The following ACER3 variants were observed in gnomAD, a reference collection of about 807,000 sequenced individuals.
ACER3 encodes alkCDase 3.
Under a neutral mutation model 48.9 loss-of-function variants are expected in ACER3, and 16 were observed. That is an observed-to-expected ratio of 0.33 (90% CI 0.22 to 0.50). The LOEUF (loss-of-function observed/expected upper bound fraction) is 0.50. ACER3 is among the 20% of genes least tolerant of loss of function. The probability of loss-of-function intolerance (pLI) is 0.98; values close to 1 mark genes in which losing one functional copy is unlikely to be tolerated. For synonymous variants in ACER3, 109 were observed against 107.8 expected (o/e 1.01, Z -0.07); for missense variants, 227 against 326.0 (o/e 0.70, Z 2.34).
intron 1 of ACER3, among the ~76,000 whole-genome samples, chr11:76,914,826 G>C (rs550242735): frequency 6.6e-6 from 1 of 152,300 alleles, no homozygotes; most frequent in African/African-American, 2.4e-5. Context: ...AATGGATTAA[G>C]AAAATGTGGC....
At chr11:76,868,354 A>G (rs1945148417) in intron 1 of ACER3, 1 of 1,139,506 alleles carries the variant, frequency 8.8e-7, no homozygotes, top group African/African-American at 1.6e-5. Flanking sequence ...AATTGAGTGT[A>G]CAAAAGAGTT....
chr11:76,895,651 G>C (rs927239088), intron 1 of ACER3, among the ~76,000 whole-genome samples: 2 of 152,120 alleles, frequency 1.3e-5, no homozygotes, highest in Non-Finnish European at 2.9e-5. Context: ...TTAGGTCACT[G>C]CTTCTTAAAT....
chr11:76,913,920 A>T (rs1244880704), intron 1 of ACER3, among the ~76,000 whole-genome samples: 1 of 152,226 alleles, frequency 6.6e-6, no homozygotes, highest in East Asian at 1.9e-4. Flanking sequence ...CTGATCTTTG[A>T]CAAACCTGAC....
rs150245284 is a variant in ACER3, at chr11:76,882,286, G to A, written c.103+21207G>A. Among the ~76,000 whole-genome samples the A allele has an allele frequency of 2.0e-3, 311 of 152,236 alleles. 2 individuals carry two copies. The highest frequency in any genetic ancestry group is 1.9e-3 in the Non-Finnish European group (132 of 68,002). ...GCCAAAGTGTTGGGATTACAGGCTT[G>A]AGCCATTGTGCCCGGCCCAAAATCT... On this transcript the variant is annotated intron_variant, in intron 1 of 10. Transcript: ENST00000532485.
At chr11:76,874,306 A>G (rs1039852957) in intron 1 of ACER3, among the ~76,000 whole-genome samples, 16 of 152,216 alleles carry the variant, frequency 1.1e-4, no homozygotes, top group African/African-American at 2.4e-5. Context: ...TATGAGATTT[A>G]AATGGCAGGA....
intron 1 of ACER3, chr11:76,868,391 CTGTGTGTGTGTGTGTGTGTG>C (rs1166994217): frequency 1.3e-4 from 22 of 174,986 alleles, no homozygotes; most frequent in African/African-American, 5.6e-4. Flanking sequence ...CTCTCTCTCT[CTGTGTGTGTGTGTGTGTGTG>C]TGTGTGTGTG....
chr11:76,871,825 A>G (rs1430578445), intron 1 of ACER3, among the ~76,000 whole-genome samples: 1 of 152,200 alleles, frequency 6.6e-6, no homozygotes, highest in African/African-American at 2.4e-5. Flanking sequence ...GTCAAAAAAT[A>G]TATTTTGGGT....
chr11:76,933,739 C>T (rs1947082729), intron 2 of ACER3, among the ~76,000 whole-genome samples: 2 of 151,882 alleles, frequency 1.3e-5, no homozygotes, highest in South Asian at 4.2e-4. Context: ...ACCTTTCCCC[C>T]TTTTCTATTC....
chr11:76,972,672 A>T (rs1426290670), intron 3 of ACER3, among the ~76,000 whole-genome samples: 1 of 152,166 alleles, frequency 6.6e-6, no homozygotes, highest in Non-Finnish European at 1.5e-5. Flanking sequence ...CTGTTTTCTG[A>T]CATCAGTTTC....
At chr11:76,898,781 G>A (rs1946001407) in intron 1 of ACER3, among the ~76,000 whole-genome samples, 1 of 150,254 alleles carries the variant, frequency 6.7e-6, no homozygotes, top group Admixed American at 6.6e-5. Flanking sequence ...GCGGGCGCCT[G>A]TAGTCCCAGC....
intron 1 of ACER3, among the ~76,000 whole-genome samples, chr11:76,900,311 A>T (rs1456454978): frequency 6.6e-6 from 1 of 152,192 alleles, no homozygotes; most frequent in Non-Finnish European, 1.5e-5. Flanking sequence ...GAGGCAGAAG[A>T]GGTGGAGAAG....
intron 2 of ACER3, 66 bp from the exon 3 acceptor site, chr11:76,958,913 C>T: frequency 1.3e-6 from 2 of 1,534,930 alleles, no homozygotes; most frequent in Non-Finnish European, 9.0e-7. Flanking sequence ...GTCTTATTGT[C>T]TTCTCAGGTC....
At chr11:76,973,151 G>A (rs1467058871) in intron 3 of ACER3, among the ~76,000 whole-genome samples, 1 of 152,178 alleles carries the variant, frequency 6.6e-6, no homozygotes, top group African/African-American at 2.4e-5. Context: ...CTTTCAAGCC[G>A]GGAAAGGCAG....
chr11:76,934,057 G>A (rs531776761), intron 2 of ACER3, among the ~76,000 whole-genome samples: 19 of 151,958 alleles, frequency 1.3e-4, no homozygotes, highest in African/African-American at 4.3e-4. Context: ...ATGGGCGGCC[G>A]GGCAGAGACG....
chr11:76,895,090 AAAGGAT>A (rs1228696558), intron 1 of ACER3, among the ~76,000 whole-genome samples: 2 of 152,130 alleles, frequency 1.3e-5, no homozygotes, highest in African/African-American at 4.8e-5. Context: ...TAATGTGGAG[AAAGGAT>A]TCAATTTAAT....
chr11:76,904,976 C>T (rs968421806), intron 1 of ACER3, among the ~76,000 whole-genome samples: 3 of 152,024 alleles, frequency 2.0e-5, no homozygotes, highest in Non-Finnish European at 4.4e-5. Flanking sequence ...CTCAGCCTGC[C>T]GGGTAGCTGG....
chr11:76,882,758 T>TTGTTTC (rs1945560658), intron 1 of ACER3, among the ~76,000 whole-genome samples: 1 of 152,218 alleles, frequency 6.6e-6, no homozygotes, highest in Non-Finnish European at 1.5e-5. Context: ...CTTATGAGTG[T>TTGTTTC]TGTTTCTGTT....
At chr11:76,879,877 G>A (rs2372386) in intron 1 of ACER3, among the ~76,000 whole-genome samples, 107,148 of 151,960 alleles carry the variant, frequency 0.71, 38,065 homozygotes, top group Non-Finnish European at 0.74. Flanking sequence ...TTTTTTTGAC[G>A]TTTGTTTTTT....
chr11:76,989,876 G>A (rs985532844), intron 5 of ACER3, among the ~76,000 whole-genome samples: 2 of 152,168 alleles, frequency 1.3e-5, no homozygotes, highest in Non-Finnish European at 1.5e-5. Flanking sequence ...TAGGCATTGA[G>A]CTTAATCATC....
Sources: gnomAD v4.1 joint callset for allele counts (sites outside exome capture counted in the v4.1 genomes callset) on GRCh38, gnomAD v4.1.1 for gene constraint, MANE v1.5 for transcripts, NCBI Gene and HGNC (gene_info 2026-07-23, HGNC 2026-07-21) for gene names.